The following CCDC141 variants were observed in gnomAD, a reference collection of about 807,000 sequenced individuals.
CCDC141 encodes the protein coiled-coil domain-containing protein 141.
A neutral mutation model predicts 181.0 loss-of-function variants in CCDC141; 168 were observed. That is an observed-to-expected ratio of 0.93 (90% confidence interval 0.82 to 1.05). The LOEUF (loss-of-function observed/expected upper bound fraction) is 1.05, where lower values mean the gene tolerates loss of function less well. CCDC141 is among the 50% of genes least tolerant of loss of function. The pLI is 0.00. For synonymous variants in CCDC141, 666 were observed against 642.3 expected, an observed-to-expected ratio of 1.04 and a Z score of -0.56; for missense variants, 1,902 against 1,788.5, an observed-to-expected ratio of 1.06 and a Z score of -1.14.
intron 2 of CCDC141, among the ~76,000 whole-genome samples, chr2:179,013,764 G>A (rs112081113): frequency 0.033 from 5,082 of 151,742 alleles, 100 homozygotes; most frequent in South Asian, 0.059. Flanking sequence ...TCAGGAGATC[G>A]AGACCATCCT....
rs1452838868 is a variant in CCDC141 at position 179,015,067 on chromosome 2, G to GAGAT, written c.225+32216_225+32217insATCT. On this transcript the variant is annotated intron_variant, in intron 2 of 23. Coordinates refer to ENST00000443758, the MANE Select transcript of CCDC141 (RefSeq NM_173648.4). Reference sequence around the variant, plus strand: ...GTGGATAAACTGTGAGAGAGACAGAGATATATATATATATATATATATATA... The same window carrying GAGAT: ...GTGGATAAACTGTGAGAGAGACAGAGAGATATATATATATATATATATATATATA... Among the ~76,000 whole-genome samples, 19 of 39,602 alleles carry GAGAT rather than the reference G, an allele frequency of 4.8e-4. 1 individual carries two copies. The East Asian group carries it at 9.6e-3, about 20-fold the overall frequency. 26.0% of individuals were successfully genotyped at this position (39,602 alleles called of 152,430 possible).
In CCDC141 at chr2:179,027,646, C is replaced by CAA. The variant is rs71023466; in HGVS notation, c.225+19636_225+19637dup. 3.0e-3 allele frequency among the ~76,000 whole-genome samples: 161 copies of CAA among 53,268 alleles called. 4 individuals are homozygous for CAA. The highest frequency in any genetic ancestry group is 3.4e-3 in the Non-Finnish European group (98 of 28,880). The allele number at this position is 53,268 out of a possible 152,430, so 34.9% of individuals were successfully genotyped here. ...GGCAACAGAGTGAGACTCTTACTCT[C>CAA]AAAAAAAAAAAAAAAAAAAAAAAAA... On this transcript the variant is annotated intron_variant, in intron 2 of 23. Transcript: ENST00000443758.
intron 6 of CCDC141, among the ~76,000 whole-genome samples, chr2:178,920,756 A>G (rs1446692142): frequency 1.3e-5 from 2 of 152,042 alleles, no homozygotes; most frequent in African/African-American, 4.8e-5. Context: ...TTAAATAACA[A>G]TTAGCAGATG....
chr2:178,865,930 A>G lies in CCDC141; in HGVS notation c.2575-14T>C. The G allele has an allele frequency of 6.7e-7, 1 of 1,498,286 alleles. No individual in the cohort carries two copies. Among genetic ancestry groups the G allele is most frequent in the Non-Finnish European group, 8.9e-7 (1 of 1,119,526 alleles). 92.8% of individuals were successfully genotyped at this position (1,498,286 alleles called of 1,614,324 possible). ...ATTAGAGCAGTGCTAAAAGAGACAA[A>G]TGGTGGTAACAGAGAGAAAGGACGA... On this transcript the variant is annotated splice_polypyrimidine_tract_variant and intron_variant, in intron 16 of 23. Transcript: ENST00000443758.
At chr2:179,042,933 G>A (rs1436361374) in intron 2 of CCDC141, among the ~76,000 whole-genome samples, 1 of 151,996 alleles carries the variant, frequency 6.6e-6, no homozygotes, top group Non-Finnish European at 1.5e-5. Flanking sequence ...CTAAAAGCTA[G>A]CTTTTTGAAG....
At chr2:178,923,591 C>T (rs928549230) in intron 6 of CCDC141, among the ~76,000 whole-genome samples, 1 of 151,972 alleles carries the variant, frequency 6.6e-6, no homozygotes, top group African/African-American at 2.4e-5. Context: ...AGTCACTTTG[C>T]AATAAAATAT....
chr2:178,907,682 A>G (rs568337775), intron 7 of CCDC141, among the ~76,000 whole-genome samples: 1 of 152,314 alleles, frequency 6.6e-6, no homozygotes, highest in South Asian at 2.1e-4. Context: ...AGCCAAGTGC[A>G]ACAAAATGTT....
intron 8 of CCDC141, among the ~76,000 whole-genome samples, chr2:178,900,375 C>G (rs1312729287): frequency 6.6e-6 from 1 of 152,084 alleles, no homozygotes; most frequent in Non-Finnish European, 1.5e-5. Flanking sequence ...GAAACTAAGA[C>G]TAGTGTCAAG....
chr2:179,047,295 C>T lies in CCDC141; in HGVS notation c.214G>A (p.Ala72Thr). 6.5e-7 allele frequency: 1 copy of T among 1,532,348 alleles called. No individual in the cohort carries two copies. Among genetic ancestry groups the T allele is most frequent in the South Asian group, 1.3e-5 (1 of 79,450 alleles). The allele number at this position is 1,532,348 out of a possible 1,614,324, so 94.9% of individuals were successfully genotyped here. A position where few individuals can be genotyped will look rare whatever the true frequency, so the allele number is the denominator to read the frequency against. ...TCTTAGTATCTTACCTTGAGCTTGGCCAAAAGAAGTTCATGATCATGAAGA... is the reference window on the plus strand; with the variant it reads ...TCTTAGTATCTTACCTTGAGCTTGGTCAAAAGAAGTTCATGATCATGAAGA... Reference protein sequence around the residue: ...KLLHDHELLLAKLKALEDRVW... With the variant: ...KLLHDHELLLTKLKALEDRVW... The change falls in exon 2 of 24, where the codon GCC becomes ACC. Residue 72 changes from alanine (A) to threonine (T), a missense_variant. Ala to Thr is a moderately conservative substitution (Grantham distance 58). Transcript: ENST00000443758.
At chr2:178,956,037 T>G (rs1338984904) in intron 5 of CCDC141, among the ~76,000 whole-genome samples, 1 of 152,170 alleles carries the variant, frequency 6.6e-6, no homozygotes. Flanking sequence ...CTGCTAACAC[T>G]AAGATAGTAG....
chr2:178,880,324 T>C (rs1686537644), intron 11 of CCDC141, among the ~76,000 whole-genome samples: 1 of 152,224 alleles, frequency 6.6e-6, no homozygotes, highest in Non-Finnish European at 1.5e-5. Flanking sequence ...TTTATTACAC[T>C]TGTCAAATTA....
At chr2:178,855,685 T>A in intron 18 of CCDC141, 144 bp from the exon 19 acceptor site, 1 of 540,446 alleles carries the variant, frequency 1.9e-6, no homozygotes, top group Non-Finnish European at 3.2e-6. Flanking sequence ...TATATTATGG[T>A]AAGAATGGGT....
At chr2:178,827,322 C>T (rs911072483), downstream of CCDC141, among the ~76,000 whole-genome samples, 2 of 152,008 alleles carry the variant, frequency 1.3e-5, no homozygotes, top group African/African-American at 4.8e-5. Flanking sequence ...GTGCATTTTG[C>T]TGTTGTTGGA....
At chr2:178,923,328 T>G (rs1426215301) in intron 6 of CCDC141, among the ~76,000 whole-genome samples, 1 of 151,970 alleles carries the variant, frequency 6.6e-6, no homozygotes, top group Non-Finnish European at 1.5e-5. Context: ...ATGGTCTCGA[T>G]CTCCTGACCT....
intron 2 of CCDC141, among the ~76,000 whole-genome samples, chr2:179,028,625 G>A (rs2042921162): frequency 1.3e-5 from 2 of 152,052 alleles, no homozygotes. Flanking sequence ...TTATCCTATA[G>A]GATTTAAGGT....
intron 22 of CCDC141, among the ~76,000 whole-genome samples, chr2:178,839,579 T>A (rs1684633803): frequency 1.9e-4 from 2 of 10,474 alleles, no homozygotes; most frequent in Admixed American, 1.5e-3. Context: ...AAACTTCGTC[T>A]CCAAAAAAAA....
rs139081930 is a variant in CCDC141, at chr2:178,919,860, G to A, written c.898-953C>T. Among the ~76,000 whole-genome samples, 7 of 152,202 alleles carry A rather than the reference G, an allele frequency of 4.6e-5. No homozygotes were observed. The East Asian group carries it at 7.7e-4, about 17-fold the overall frequency. On this transcript the variant is annotated intron_variant, in intron 6 of 23. Coordinates refer to ENST00000443758, the MANE Select transcript of CCDC141 (RefSeq NM_173648.4). Reference sequence around the variant, plus strand: ...ATAAAATGAATAGCTGTTATTGTTCGGTATTTTCTCCTTCATGATATCGGT... The same window carrying A: ...ATAAAATGAATAGCTGTTATTGTTCAGTATTTTCTCCTTCATGATATCGGT...
chr2:178,839,387 T>C (rs1205204317), intron 22 of CCDC141, among the ~76,000 whole-genome samples: 1 of 148,026 alleles, frequency 6.8e-6, no homozygotes, highest in Non-Finnish European at 1.5e-5. Flanking sequence ...CACTCCATCC[T>C]GGGCAACAGA....
At chr2:178,848,687 G>A (rs1382587772) in intron 21 of CCDC141, among the ~76,000 whole-genome samples, 1 of 152,136 alleles carries the variant, frequency 6.6e-6, no homozygotes, top group African/African-American at 2.4e-5. Context: ...GAGGAATATT[G>A]TAGACAATGA....
Sources: gnomAD v4.1 joint callset for allele counts (sites outside exome capture counted in the v4.1 genomes callset) on GRCh38, gnomAD v4.1.1 for gene constraint, MANE v1.5 for transcripts, NCBI Gene and HGNC (gene_info 2026-07-23, HGNC 2026-07-21) for gene names.